CD58: variants seen among roughly 807,000 people sequenced by gnomAD.
The protein encoded by CD58 is CD58 molecule.
A neutral mutation model predicts 27.6 loss-of-function variants in CD58; 14 were observed. The ratio of observed to expected loss-of-function variants is 0.51; its 90% CI spans 0.34 to 0.79. The LOEUF is 0.79. Among genes scored for constraint, CD58 ranks in the 30% least tolerant of loss-of-function variants. The pLI, the probability that CD58 is intolerant of heterozygous loss-of-function variation, is 0.02. For missense variants in CD58, 268 were observed against 301.7 expected (o/e 0.89, Z 0.83); for synonymous variants, 117 against 103.8 (o/e 1.13, Z -0.77).
In CD58 at chr1:116,522,836, C is replaced by G. The variant is rs182553213; in HGVS notation, c.629-853G>C. ...ATTCTGGCAGTTGTATATAATAAGC[C>G]TTAAAAATATTTATCATGAAGCATC... On this transcript the variant is annotated intron_variant, in intron 3 of 5. Transcript: ENST00000369489. This position sits in a 1 kb window ranked among gnomAD's most constrained non-coding sequence, Gnocchi z 4.6. Among the ~76,000 whole-genome samples the G allele has an allele frequency of 1.7e-3, 258 of 151,720 alleles. No homozygotes were observed. Among genetic ancestry groups the G allele is most frequent in the African/African-American group, 6.0e-3 (247 of 41,040 alleles).
At chr1:116,549,674 C>T (rs972627330) in intron 1 of CD58, among the ~76,000 whole-genome samples, 1 of 152,116 alleles carries the variant, frequency 6.6e-6, no homozygotes, top group Non-Finnish European at 1.5e-5. Context: ...TTTTTTCAGT[C>T]CTCTTATCTG....
intron 4 of CD58, among the ~76,000 whole-genome samples, chr1:116,520,315 G>T (rs1657226975): frequency 6.6e-6 from 1 of 151,766 alleles, no homozygotes; most frequent in South Asian, 2.1e-4. Flanking sequence ...GTTTCACCAT[G>T]TTGTCCAGGC....
At chr1:116,568,721 T>C (rs1387440670) in intron 1 of CD58, among the ~76,000 whole-genome samples, 2 of 152,222 alleles carry the variant, frequency 1.3e-5, no homozygotes, top group Non-Finnish European at 2.9e-5. Context: ...GAAGTGGGTT[T>C]ATTATTCTCC....
At position 116,557,420 on chromosome 1, in the gene CD58, T is replaced by C. The variant is rs893169902; in HGVS notation, c.71-12816A>G. On this transcript the variant is annotated intron_variant, in intron 1 of 5. Transcript: ENST00000369489. This position sits in a 1 kb window ranked among gnomAD's most constrained non-coding sequence, Gnocchi z 5.2. Reference sequence around the variant, plus strand: ...GATGGGAGGACCTGCGGGCTCCACCTTCCCAACTCCACAGCTGTCCCTTTT... The same window carrying C: ...GATGGGAGGACCTGCGGGCTCCACCCTCCCAACTCCACAGCTGTCCCTTTT... 6.6e-6 allele frequency among the ~76,000 whole-genome samples: 1 copy of C among 152,172 alleles called. No individual in the cohort carries two copies. The highest frequency in any genetic ancestry group is 1.5e-5 in the Non-Finnish European group (1 of 68,032).
chr1:116,540,110 AG>A (rs1358217077), intron 2 of CD58, among the ~76,000 whole-genome samples: 1 of 152,206 alleles, frequency 6.6e-6, no homozygotes, highest in East Asian at 1.9e-4. Context: ...AAGATGGGAA[AG>A]GACTAATAAA....
chr1:116,556,235 C>G (rs1658554513), intron 1 of CD58, among the ~76,000 whole-genome samples: 1 of 118,586 alleles, frequency 8.4e-6, no homozygotes, highest in Non-Finnish European at 1.6e-5. Flanking sequence ...GCCTGGGTGA[C>G]AGAGCAAGAC....
intron 1 of CD58, among the ~76,000 whole-genome samples, chr1:116,565,592 G>T (rs988896502): frequency 3.3e-5 from 5 of 151,470 alleles, no homozygotes; most frequent in Admixed American, 1.3e-4. Context: ...GATAGGGAAT[G>T]ATTTTCCAGA....
At chr1:116,525,287 T>C (rs545628461) in intron 3 of CD58, among the ~76,000 whole-genome samples, 1 of 152,364 alleles carries the variant, frequency 6.6e-6, no homozygotes, top group South Asian at 2.1e-4. Flanking sequence ...AAAATTTGCA[T>C]AGCATGTAGC....
intron 1 of CD58, among the ~76,000 whole-genome samples, chr1:116,561,878 C>T (rs1219417053): frequency 6.6e-6 from 1 of 152,182 alleles, no homozygotes; most frequent in East Asian, 1.9e-4. Context: ...ATAAAAACAT[C>T]TCAAATCTGA....
chr1:116,558,857 CCTCAA>C (rs1557843761), intron 1 of CD58, among the ~76,000 whole-genome samples: 3 of 152,206 alleles, frequency 2.0e-5, no homozygotes, highest in East Asian at 1.9e-4. Context: ...CTCATTTAAT[CCTCAA>C]CTCAACTCTG....
rs1657663343 is a variant in CD58 at position 116,532,862 on chromosome 1, C to T, written c.628+3103G>A. ...GCTGTCGACGGGATTGTGCCGCATG[C>T]GGCAAAGACTGAGGCCTCCCGCTAC... On this transcript the variant is annotated intron_variant, in intron 3 of 5. Transcript: ENST00000369489. The surrounding 1 kb of genome is among the most constrained non-coding windows in gnomAD (Gnocchi z 5.1). 2 of 647,792 alleles carry T rather than the reference C, an allele frequency of 3.1e-6. No individual in the cohort carries two copies. Among genetic ancestry groups the T allele is most frequent in the Non-Finnish European group, 5.5e-6 (2 of 363,586 alleles). The allele number at this position is 647,792 out of a possible 1,614,324, so 40.1% of individuals were successfully genotyped here.
At chr1:116,533,528 G>C in intron 3 of CD58, 1 of 726,752 alleles carries the variant, frequency 1.4e-6, no homozygotes, top group Non-Finnish European at 2.6e-6. Flanking sequence ...ATATCCTGCA[G>C]GTATTTCAAG....
In CD58 at chr1:116,521,807, TC is replaced by T. The variant is rs1163210543; in HGVS notation, c.706+98del. On this transcript the variant is annotated intron_variant, in intron 4 of 5. Coordinates refer to ENST00000369489, the MANE Select transcript of CD58 (RefSeq NM_001779.3). This position sits in a 1 kb window ranked among gnomAD's most constrained non-coding sequence, Gnocchi z 5.6. Reference sequence around the variant, plus strand: ...AAAAGTTTTTGTTTCTTTTCAAATGTCTAAAATTTCAAACTTTATTTTCATC... The same window carrying T: ...AAAAGTTTTTGTTTCTTTTCAAATGTTAAAATTTCAAACTTTATTTTCATC... 1.4e-5 allele frequency: 11 copies of T among 795,532 alleles called. No homozygotes were observed. The highest frequency in any genetic ancestry group is 7.2e-5 in the Admixed American group (3 of 41,398). 49.3% of individuals were successfully genotyped at this position (795,532 alleles called of 1,614,324 possible).
chr1:116,565,513 A>G (rs1277393724), intron 1 of CD58, among the ~76,000 whole-genome samples: 2 of 152,146 alleles, frequency 1.3e-5, no homozygotes, highest in Non-Finnish European at 2.9e-5. Flanking sequence ...AGCTGAATGA[A>G]CTACCATATA....
rs1557847386 is a variant in CD58, at chr1:116,570,184, G to A, written c.70+719C>T. ...AATGTGTGGAGGGTGAAGGAGGATG[G>A]GGAGGCAAAATGGGAAGAAGGGGAC... On this transcript the variant is annotated intron_variant, in intron 1 of 5. Coordinates refer to ENST00000369489, the MANE Select transcript of CD58 (RefSeq NM_001779.3). The surrounding 1 kb of genome is among the most constrained non-coding windows in gnomAD (Gnocchi z 6.4). 6.6e-6 allele frequency among the ~76,000 whole-genome samples: 1 copy of A among 152,200 alleles called. No individual in the cohort carries two copies. Among genetic ancestry groups the A allele is most frequent in the Non-Finnish European group, 1.5e-5 (1 of 68,026 alleles).
rs1450251882 is a variant in CD58 at position 116,534,880 on chromosome 1, G to T, written c.628+1085C>A. On this transcript the variant is annotated intron_variant, in intron 3 of 5. Coordinates refer to ENST00000369489, the MANE Select transcript of CD58 (RefSeq NM_001779.3). This position sits in a 1 kb window ranked among gnomAD's most constrained non-coding sequence, Gnocchi z 5.3. ...CTAATTTCCCTTATCTGTTTCAGCT[G>T]CTTGTTCAGAAAAATTTCATTCATA... is the stretch of plus-strand genomic sequence containing the variant. 6.6e-6 allele frequency among the ~76,000 whole-genome samples: 1 copy of T among 152,128 alleles called. No homozygotes were observed. The highest frequency in any genetic ancestry group is 1.9e-4 in the East Asian group (1 of 5,190).
chr1:116,535,123 AAAC>A (rs1301697274), intron 3 of CD58, among the ~76,000 whole-genome samples: 1 of 152,256 alleles, frequency 6.6e-6, no homozygotes, highest in Non-Finnish European at 1.5e-5. Context: ...AATAATACTA[AAAC>A]AACATTAGAA....
chr1:116,518,271 C>T (rs1017298753), intron 5 of CD58, among the ~76,000 whole-genome samples: 1 of 152,032 alleles, frequency 6.6e-6, no homozygotes, highest in African/African-American at 2.4e-5. Context: ...TGCTGTTTCT[C>T]TCAAACCTAG....
At chr1:116,566,570 A>C (rs977525586) in intron 1 of CD58, among the ~76,000 whole-genome samples, 5 of 152,192 alleles carry the variant, frequency 3.3e-5, no homozygotes, top group East Asian at 1.9e-4. Context: ...GGAACACTAC[A>C]AGATGAGTCC....
Sources: gnomAD v4.1 joint callset for allele counts (sites outside exome capture counted in the v4.1 genomes callset) on GRCh38, gnomAD v4.1.1 for gene constraint, Gnocchi (gnomAD v3.1) non-coding constraint, MANE v1.5 for transcripts, NCBI Gene and HGNC (gene_info 2026-07-23, HGNC 2026-07-21) for gene names.